The following YAP1 variants were observed in gnomAD, a reference collection of about 807,000 sequenced individuals.
YAP1 encodes the protein Yes1 associated transcriptional regulator.
A neutral mutation model predicts 56.9 loss-of-function variants in YAP1; 5 were observed. That is an observed-to-expected ratio of 0.09 (90% CI 0.05 to 0.18). The LOEUF (loss-of-function observed/expected upper bound fraction) is 0.18, where lower values mean the gene tolerates loss of function less well. Among genes scored for constraint, YAP1 ranks in the 10% least tolerant of loss-of-function variants. The pLI is 1.00. For missense variants in YAP1, 539 were observed against 651.8 expected, an observed-to-expected ratio of 0.83 and a Z score of 1.88; for synonymous variants, 265 against 248.1, an observed-to-expected ratio of 1.07 and a Z score of -0.64.
intron 2 of YAP1, among the ~76,000 whole-genome samples, chr11:102,133,747 A>G (rs1022388623): frequency 1.3e-5 from 2 of 152,220 alleles, no homozygotes; most frequent in Non-Finnish European, 2.9e-5. Context: ...AGGAAGCCAC[A>G]TGGAGGTCAT....
At chr11:102,153,125 A>G (rs1945758568) in intron 2 of YAP1, among the ~76,000 whole-genome samples, 1 of 152,204 alleles carries the variant, frequency 6.6e-6, no homozygotes, top group Non-Finnish European at 1.5e-5. Flanking sequence ...TTTCTCTTAG[A>G]TTTTAATCAC....
intron 4 of YAP1, among the ~76,000 whole-genome samples, chr11:102,198,083 A>G (rs1948661921): frequency 1.3e-5 from 2 of 152,344 alleles, no homozygotes; most frequent in South Asian, 2.1e-4. Context: ...GCTTGTATCC[A>G]TAGGTAACAA....
At chr11:102,178,121 A>G (rs1947371034) in intron 3 of YAP1, among the ~76,000 whole-genome samples, 1 of 152,180 alleles carries the variant, frequency 6.6e-6, no homozygotes. Context: ...GTGACTTAAC[A>G]TTTGCTTGCA....
In YAP1 at chr11:102,125,881, G is replaced by A. The variant is rs560111610; in HGVS notation, c.572+11487G>A. Among the ~76,000 whole-genome samples the A allele has an allele frequency of 1.3e-3, 205 of 152,100 alleles. 2 individuals are homozygous for A. Among genetic ancestry groups the A allele is most frequent in the East Asian group, 9.7e-4 (5 of 5,170 alleles). On this transcript the variant is annotated intron_variant, in intron 2 of 8. Coordinates refer to ENST00000282441, the MANE Select transcript of YAP1 (RefSeq NM_001130145.3). The stretch of plus-strand genomic sequence containing the variant: ...GAGTAATACAACAGGAGCCAAGCCC[G>A]GAAGTTGCAGGGACCCCTGAATGCC...
intron 3 of YAP1, among the ~76,000 whole-genome samples, chr11:102,165,869 C>T (rs1347709067): frequency 6.6e-6 from 1 of 152,114 alleles, no homozygotes; most frequent in Non-Finnish European, 1.5e-5. Flanking sequence ...TTTTTAAATA[C>T]TATTAATAGT....
At chr11:102,160,773 C>G (rs1190334219) in intron 2 of YAP1, among the ~76,000 whole-genome samples, 4 of 152,144 alleles carry the variant, frequency 2.6e-5, no homozygotes, top group Non-Finnish European at 5.9e-5. Context: ...GCTTTCTTAC[C>G]TCCTATTACA....
At chr11:102,153,374 A>G (rs996406847) in intron 2 of YAP1, among the ~76,000 whole-genome samples, 2 of 152,190 alleles carry the variant, frequency 1.3e-5, no homozygotes, top group Non-Finnish European at 2.9e-5. Context: ...GTAGTGGACA[A>G]AACATTTTAT....
chr11:102,118,746 A>G (rs60814271), intron 2 of YAP1, among the ~76,000 whole-genome samples: 1,334 of 112,432 alleles, frequency 0.012, 19 homozygotes, highest in African/African-American at 0.041. Flanking sequence ...GCCAGACTCT[A>G]TCTCAAAAAA....
chr11:102,114,137 C>G lies in YAP1; in HGVS notation c.322-7C>G. The G allele has an allele frequency of 6.3e-7, 1 of 1,588,446 alleles. No homozygotes were observed. The highest frequency in any genetic ancestry group is 8.6e-7 in the Non-Finnish European group (1 of 1,163,040). Reference sequence around the variant, plus strand: ...TTTTAATTTTTCATCTTAATATTCCCTAATAGGCCAGTACTGATGCAGGCA... The same window carrying G: ...TTTTAATTTTTCATCTTAATATTCCGTAATAGGCCAGTACTGATGCAGGCA... On this transcript the variant is annotated splice_region_variant and splice_polypyrimidine_tract_variant and intron_variant, in intron 1 of 8. Coordinates refer to ENST00000282441, the MANE Select transcript of YAP1 (RefSeq NM_001130145.3).
chr11:102,221,209 G>A (rs1241027972), intron 6 of YAP1, among the ~76,000 whole-genome samples: 1 of 152,164 alleles, frequency 6.6e-6, no homozygotes, highest in African/African-American at 2.4e-5. Context: ...ATGGAGTAAC[G>A]AAGAGATCAG....
At chr11:102,202,344 T>TC (rs1412519359) in intron 4 of YAP1, among the ~76,000 whole-genome samples, 1 of 150,446 alleles carries the variant, frequency 6.6e-6, no homozygotes, top group Non-Finnish European at 1.5e-5. Context: ...ATTTTTTTTT[T>TC]TTTTTTTGGT....
intron 2 of YAP1, among the ~76,000 whole-genome samples, chr11:102,160,264 C>G (rs1231748884): frequency 6.6e-6 from 1 of 151,904 alleles, no homozygotes; most frequent in Non-Finnish European, 1.5e-5. Context: ...TTCAGGTGGT[C>G]CGCCCGCCTT....
intron 3 of YAP1, among the ~76,000 whole-genome samples, chr11:102,181,458 A>ATAAG (rs1474617584): frequency 2.0e-5 from 3 of 151,836 alleles, no homozygotes; most frequent in Non-Finnish European, 2.9e-5. Flanking sequence ...AAATAAATAA[A>ATAAG]TAAATAAATA....
intron 6 of YAP1, among the ~76,000 whole-genome samples, chr11:102,211,878 T>C (rs1949421808): frequency 6.6e-6 from 1 of 152,100 alleles, no homozygotes; most frequent in African/African-American, 2.4e-5. Context: ...TAATTTTTTG[T>C]GTTTTTAGTA....
At chr11:102,171,796 TAAATC>T (rs1181540133) in intron 3 of YAP1, among the ~76,000 whole-genome samples, 4 of 152,206 alleles carry the variant, frequency 2.6e-5, no homozygotes, top group Admixed American at 6.5e-5. Context: ...TTTCCCTTCT[TAAATC>T]ATTCATTCTA....
At chr11:102,186,354 G>A in intron 4 of YAP1, 1 of 443,782 alleles carries the variant, frequency 2.3e-6, no homozygotes, top group Non-Finnish European at 4.0e-6. Context: ...TGGGGTGGGG[G>A]AATGTCATAA....
chr11:102,118,265 T>C (rs939367928), intron 2 of YAP1, among the ~76,000 whole-genome samples: 17 of 152,250 alleles, frequency 1.1e-4, no homozygotes, highest in Admixed American at 7.2e-4. Context: ...ACAATGTTTT[T>C]AGTCTGCGAA....
At chr11:102,144,740 A>G (rs1367588665) in intron 2 of YAP1, among the ~76,000 whole-genome samples, 2 of 152,192 alleles carry the variant, frequency 1.3e-5, no homozygotes, top group Admixed American at 6.5e-5. Flanking sequence ...TTTAGAGACC[A>G]GAAGCTTACT....
At chr11:102,175,108 T>C (rs1320674738) in intron 3 of YAP1, among the ~76,000 whole-genome samples, 3 of 152,136 alleles carry the variant, frequency 2.0e-5, no homozygotes, top group Admixed American at 6.5e-5. Flanking sequence ...AACCACTCTT[T>C]GTTTGCCCAA....
Sources: allele counts gnomAD v4.1 joint callset (sites outside exome capture counted in the v4.1 genomes callset), GRCh38; gene constraint gnomAD v4.1.1; transcripts MANE v1.5; gene names NCBI Gene and HGNC (gene_info 2026-07-23, HGNC 2026-07-21).